FNDC3A: variants seen among roughly 807,000 people sequenced by gnomAD.
The protein encoded by FNDC3A is fibronectin type-III domain-containing protein 3A.
Under a neutral mutation model 148.9 loss-of-function variants are expected in FNDC3A, and 32 were observed. That is an observed-to-expected ratio of 0.21 (90% CI 0.16 to 0.29). The LOEUF (loss-of-function observed/expected upper bound fraction) is 0.29. Ranked by LOEUF, FNDC3A falls within the 10% of genes least tolerant of loss-of-function variation. The pLI, the probability that FNDC3A is intolerant of heterozygous loss-of-function variation, is 1.00. For missense variants in FNDC3A, 1,191 were observed against 1,452.8 expected, an observed-to-expected ratio of 0.82 and a Z score of 2.93; for synonymous variants, 472 against 473.6, an observed-to-expected ratio of 1.00 and a Z score of 0.04.
At chr13:49,135,013 G>A (rs567195041) in intron 5 of FNDC3A, among the ~76,000 whole-genome samples, 1 of 151,224 alleles carries the variant, frequency 6.6e-6, no homozygotes, top group Non-Finnish European at 1.5e-5. Flanking sequence ...GCGCCACCAC[G>A]CCCGGCTAAT....
chr13:49,182,004 CAG>C (rs564711123), intron 14 of FNDC3A, among the ~76,000 whole-genome samples: 35 of 152,164 alleles, frequency 2.3e-4, no homozygotes, highest in Non-Finnish European at 4.7e-4. Flanking sequence ...TATTTTGAGA[CAG>C]GGGCTCACAC....
intron 3 of FNDC3A, among the ~76,000 whole-genome samples, chr13:49,083,283 T>C (rs963712449): frequency 1.3e-5 from 2 of 152,170 alleles, no homozygotes; most frequent in African/African-American, 4.8e-5. Context: ...CTTCAGATTC[T>C]ATGCACTAAA....
chr13:49,027,536 G>A (rs570901997), intron 2 of FNDC3A, among the ~76,000 whole-genome samples: 56 of 152,274 alleles, frequency 3.7e-4, no homozygotes, highest in African/African-American at 1.3e-3. Flanking sequence ...GGCTTATAAG[G>A]TATAAAAATG....
chr13:49,097,362 AT>A (rs533067416), intron 3 of FNDC3A, among the ~76,000 whole-genome samples: 18 of 149,526 alleles, frequency 1.2e-4, no homozygotes, highest in African/African-American at 2.4e-4. Flanking sequence ...GCTTTTTTAC[AT>A]TTTTTTTTTA....
At chr13:49,125,840 T>C (rs749709800) in intron 4 of FNDC3A, among the ~76,000 whole-genome samples, 7 of 152,116 alleles carry the variant, frequency 4.6e-5, no homozygotes, top group Non-Finnish European at 1.0e-4. Context: ...CTCAATTGTG[T>C]CTCTGTTCAA....
intron 2 of FNDC3A, among the ~76,000 whole-genome samples, chr13:49,060,214 A>G (rs1423015587): frequency 6.6e-6 from 1 of 152,226 alleles, no homozygotes; most frequent in Non-Finnish European, 1.5e-5. Context: ...GTACTGAAAT[A>G]CTTTTGTACA....
intron 1 of FNDC3A, among the ~76,000 whole-genome samples, chr13:48,978,078 A>G (rs1191221118): frequency 6.6e-6 from 1 of 152,200 alleles, no homozygotes; most frequent in East Asian, 1.9e-4. Flanking sequence ...AGCATTAAAA[A>G]AAACATTCTA....
intron 11 of FNDC3A, among the ~76,000 whole-genome samples, chr13:49,172,687 T>TG (rs1244377824): frequency 7.9e-5 from 12 of 152,190 alleles, no homozygotes; most frequent in Admixed American, 3.3e-4. Context: ...TATGATTCCA[T>TG]GTAGGGTCTA....
intron 4 of FNDC3A, among the ~76,000 whole-genome samples, chr13:49,118,811 C>T (rs1881136889): frequency 6.6e-6 from 1 of 152,250 alleles, no homozygotes; most frequent in South Asian, 2.1e-4. Flanking sequence ...CTAGATTCCT[C>T]CTCTCTGGGC....
intron 7 of FNDC3A, among the ~76,000 whole-genome samples, chr13:49,140,086 C>T (rs117136101): frequency 0.012 from 1,872 of 152,242 alleles, 13 homozygotes; most frequent in Non-Finnish European, 0.019. Flanking sequence ...CTTTCCCAGT[C>T]CTTTGGAAAA....
chr13:49,024,574 C>T (rs936383718), intron 2 of FNDC3A, among the ~76,000 whole-genome samples: 2 of 151,848 alleles, frequency 1.3e-5, no homozygotes, highest in African/African-American at 4.8e-5. Context: ...AATTGTTCAA[C>T]ATACGTAAAT....
chr13:49,167,240 C>A lies in FNDC3A; in HGVS notation c.978-4C>A. ...GACATGATATATTACCCTTTTTTCC[C>A]CAGAGGAGAAGAAACAAATATCACT... On this transcript the variant is annotated splice_region_variant and splice_polypyrimidine_tract_variant and intron_variant, in intron 8 of 25. Transcript: ENST00000492622. The A allele has an allele frequency of 6.3e-7, 1 of 1,587,384 alleles. No homozygotes were observed. The highest frequency in any genetic ancestry group is 8.6e-7 in the Non-Finnish European group (1 of 1,162,940).
intron 2 of FNDC3A, among the ~76,000 whole-genome samples, chr13:49,015,375 T>C (rs1384938975): frequency 1.3e-5 from 2 of 152,082 alleles, no homozygotes; most frequent in African/African-American, 2.4e-5. Flanking sequence ...TGAATGGGAG[T>C]TCACTCATGA....
In FNDC3A at chr13:49,198,508, G is replaced by A. The variant is rs1886265526; in HGVS notation, c.2921G>A (p.Gly974Glu). ...AACCTTAAGCTGAAATGGGGAGAAG[G>A]AACTCCAAAGACATTGTCAACCGAT... ...HQNLKLKWGE[G>E]TPKTLSTDSI... Residue 974 changes from glycine to glutamate, a missense_variant, in exon 23 of 26, where the codon GGA (glycine) becomes GAA (glutamate). Physicochemically the swap from Gly to Glu is moderately conservative, Grantham distance 98 (BLOSUM62 -2). Coordinates refer to ENST00000492622, the MANE Select transcript of FNDC3A (RefSeq NM_001079673.2). The A allele has an allele frequency of 6.2e-7, 1 of 1,614,112 alleles. No individual in the cohort carries two copies. The highest frequency in any genetic ancestry group is 8.5e-7 in the Non-Finnish European group (1 of 1,180,000).
In FNDC3A at chr13:49,191,616, A is replaced by G. The variant is rs574455621; in HGVS notation, c.2226+232A>G. Among the ~76,000 whole-genome samples the G allele has an allele frequency of 6.6e-5, 10 of 152,272 alleles. 1 individual carries two copies. The South Asian group carries it at 2.1e-3, about 32-fold the overall frequency. ...CCACTTACAGTTTGTGACACTTTGG[A>G]CTTCAGCTGGGCTAGAGTTTACCTT... On this transcript the variant is annotated intron_variant, in intron 19 of 25. Transcript: ENST00000492622.
At chr13:48,978,613 A>G (rs1951643587) in intron 1 of FNDC3A, among the ~76,000 whole-genome samples, 1 of 151,844 alleles carries the variant, frequency 6.6e-6, no homozygotes. Context: ...TTCCAATTTT[A>G]TTAGCCAGAT....
chr13:49,190,939 A>T, intron 17 of FNDC3A, 76 bp from the exon 18 acceptor site: 2 of 916,562 alleles, frequency 2.2e-6, no homozygotes, highest in Non-Finnish European at 3.4e-6. Context: ...TGTTTATATT[A>T]TTTTTCCTTA....
At chr13:49,192,661 A>G (rs1488908317) in intron 19 of FNDC3A, among the ~76,000 whole-genome samples, 1 of 152,182 alleles carries the variant, frequency 6.6e-6, no homozygotes, top group African/African-American at 2.4e-5. Context: ...CCTTTCTGTA[A>G]GAAGCCATCT....
intron 8 of FNDC3A, among the ~76,000 whole-genome samples, chr13:49,159,092 T>G (rs965424023): frequency 6.6e-6 from 1 of 152,232 alleles, no homozygotes; most frequent in Non-Finnish European, 1.5e-5. Flanking sequence ...AGGATTGTCT[T>G]GACAATGTGG....
Sources: gnomAD v4.1 joint callset for allele counts (sites outside exome capture counted in the v4.1 genomes callset) on GRCh38, gnomAD v4.1.1 for gene constraint, MANE v1.5 for transcripts, NCBI Gene and HGNC (gene_info 2026-07-23, HGNC 2026-07-21) for gene names.